The following VRK1 variants were observed in gnomAD, a reference collection of about 807,000 sequenced individuals.
VRK1 encodes VRK serine/threonine kinase 1.
Under a neutral mutation model 57.1 loss-of-function variants are expected in VRK1, and 33 were observed. The observed-to-expected ratio is 0.58, with a 90% CI of 0.44 to 0.77. The LOEUF (loss-of-function observed/expected upper bound fraction) is 0.77. VRK1 is among the 30% of genes least tolerant of loss of function. The pLI, the probability that VRK1 is intolerant of heterozygous loss-of-function variation, is 0.00. For synonymous variants in VRK1, 137 were observed against 147.8 expected (o/e 0.93, Z 0.53); for missense variants, 413 against 477.3 (o/e 0.87, Z 1.25).
intron 11 of VRK1, among the ~76,000 whole-genome samples, chr14:96,870,848 A>G (rs1304195018): frequency 6.6e-6 from 1 of 152,166 alleles, no homozygotes; most frequent in Non-Finnish European, 1.5e-5. Flanking sequence ...AATGGATGAC[A>G]GTAGAGCTTG....
At chr14:96,836,995 C>A (rs1331751722) in intron 2 of VRK1, among the ~76,000 whole-genome samples, 1 of 152,102 alleles carries the variant, frequency 6.6e-6, no homozygotes, top group Non-Finnish European at 1.5e-5. Flanking sequence ...CTTAATTTGT[C>A]CTCTATAGCA....
intron 2 of VRK1, among the ~76,000 whole-genome samples, chr14:96,834,387 G>A (rs1030728498): frequency 1.3e-5 from 2 of 151,818 alleles, no homozygotes; most frequent in Admixed American, 1.3e-4. Context: ...CTAATAATAC[G>A]ACATAGATTA....
rs148132088 is a variant in VRK1 at position 96,818,462 on chromosome 14, C to T, written c.-5-15005C>T. On this transcript the variant is annotated intron_variant, in intron 1 of 12. Coordinates refer to ENST00000216639, the MANE Select transcript of VRK1 (RefSeq NM_003384.3). Reference sequence around the variant, plus strand: ...AACGTGAGTCTTCACCTAGTTCTTTCCAGCTTAGGTGTGAAAACATGACTA... The same window carrying T: ...AACGTGAGTCTTCACCTAGTTCTTTTCAGCTTAGGTGTGAAAACATGACTA... Among the ~76,000 whole-genome samples the T allele has an allele frequency of 3.3e-5, 5 of 151,238 alleles. No individual in the cohort carries two copies. The East Asian group carries it at 9.7e-4, about 29-fold the overall frequency.
chr14:96,833,738 G>C, intron 2 of VRK1, 107 bp downstream of exon 2: 1 of 1,529,804 alleles, frequency 6.5e-7, no homozygotes, highest in African/African-American at 1.4e-5. Context: ...ATAATCTGCA[G>C]TCAACTTAAT....
chr14:96,866,706 C>T (rs1419681144), intron 11 of VRK1, among the ~76,000 whole-genome samples: 1 of 152,158 alleles, frequency 6.6e-6, no homozygotes, highest in Non-Finnish European at 1.5e-5. Flanking sequence ...ATCTTCTAGA[C>T]TGGGGGCCAC....
At chr14:96,844,581 G>A (rs564683197) in intron 3 of VRK1, among the ~76,000 whole-genome samples, 11 of 152,092 alleles carry the variant, frequency 7.2e-5, no homozygotes, top group African/African-American at 2.7e-4. Flanking sequence ...TTGCTTTGTT[G>A]CCCAGGGTGG....
At chr14:96,860,418 A>G (rs937906368) in intron 10 of VRK1, 139 bp from the exon 11 acceptor site, 10 of 765,792 alleles carry the variant, frequency 1.3e-5, no homozygotes, top group Non-Finnish European at 2.1e-5. Flanking sequence ...CATACTTTTC[A>G]TTGAAGTGAT....
chr14:96,812,726 T>TTTGAA (rs144656050), intron 1 of VRK1, among the ~76,000 whole-genome samples: 3,698 of 152,138 alleles, frequency 0.024, 71 homozygotes, highest in Non-Finnish European at 0.038. Flanking sequence ...GTTAAGAGGG[T>TTTGAA]TTTCAAGCCC....
intron 2 of VRK1, among the ~76,000 whole-genome samples, chr14:96,834,142 G>T (rs1887122113): frequency 6.6e-6 from 1 of 152,024 alleles, no homozygotes; most frequent in Admixed American, 6.6e-5. Flanking sequence ...TGAAATTTTT[G>T]GGGACCCGTT....
At chr14:96,821,016 C>T (rs562723453) in intron 1 of VRK1, among the ~76,000 whole-genome samples, 5 of 152,284 alleles carry the variant, frequency 3.3e-5, no homozygotes, top group Non-Finnish European at 7.4e-5. Flanking sequence ...CACAACTGTT[C>T]ACTATCTTTA....
At chr14:96,834,212 G>T (rs573052465) in intron 2 of VRK1, among the ~76,000 whole-genome samples, 1 of 152,244 alleles carries the variant, frequency 6.6e-6, no homozygotes, top group South Asian at 2.1e-4. Flanking sequence ...TATTTTACCT[G>T]ATTGCTTCTA....
chr14:96,850,906 A>G (rs1408817463), intron 5 of VRK1, among the ~76,000 whole-genome samples: 1 of 152,132 alleles, frequency 6.6e-6, no homozygotes, highest in African/African-American at 2.4e-5. Context: ...CTAATTTTGG[A>G]GCACTTCTGA....
chr14:96,827,624 C>G (rs1886850422), intron 1 of VRK1, among the ~76,000 whole-genome samples: 1 of 152,146 alleles, frequency 6.6e-6, no homozygotes, highest in South Asian at 2.1e-4. Context: ...TGGGCACTCT[C>G]CCTTAGCCTT....
chr14:96,876,195 C>A, intron 12 of VRK1, 75 bp downstream of exon 12: 1 of 1,382,212 alleles, frequency 7.2e-7, no homozygotes, highest in South Asian at 1.2e-5. Flanking sequence ...GATGAGGGGT[C>A]AACTATTTGG....
chr14:96,862,988 A>G (rs1595682587), intron 11 of VRK1, among the ~76,000 whole-genome samples: 1 of 152,324 alleles, frequency 6.6e-6, no homozygotes. Flanking sequence ...GTAAAAACCT[A>G]CAGGAATTGA....
intron 12 of VRK1, 111 bp downstream of exon 12, chr14:96,876,231 A>C: frequency 5.4e-6 from 5 of 928,054 alleles, no homozygotes; most frequent in Non-Finnish European, 8.8e-6. Flanking sequence ...TTTTATAATA[A>C]AATACCACAA....
At chr14:96,843,347 A>C (rs1356871254) in intron 3 of VRK1, among the ~76,000 whole-genome samples, 1 of 152,232 alleles carries the variant, frequency 6.6e-6, no homozygotes, top group East Asian at 1.9e-4. Flanking sequence ...CTAACAGGTC[A>C]TTGTACTGTG....
rs778096409 is a variant in VRK1 at position 96,860,660 on chromosome 14, A to G, written c.993A>G (p.Ile331Met). Residue 331 changes from isoleucine to methionine, a missense_variant, in exon 11 of 13, where the codon ATA becomes ATG. Ile to Met is a conservative substitution (Grantham distance 10, BLOSUM62 1). Transcript: ENST00000216639. Reference sequence around the variant, plus strand: ...TTCTTTTGCAAGGACTAAAAGCTATAGGAAGTAAGGATGATGGCAAATTGG... The same window carrying G: ...TTCTTTTGCAAGGACTAAAAGCTATGGGAAGTAAGGATGATGGCAAATTGG... ...RDILLQGLKAIGSKDDGKLDL... is the reference protein window; with the variant it reads ...RDILLQGLKAMGSKDDGKLDL... 1.2e-6 allele frequency: 2 copies of G among 1,613,380 alleles called. No individual in the cohort carries two copies. The highest frequency in any genetic ancestry group is 2.2e-5 in the East Asian group (1 of 44,756).
chr14:96,799,799 T>G (rs143692673), intron 1 of VRK1, among the ~76,000 whole-genome samples: 6 of 152,272 alleles, frequency 3.9e-5, no homozygotes, highest in African/African-American at 1.4e-4. Context: ...CTTGCCAGGG[T>G]TATTTTTCGG....
Sources: allele counts gnomAD v4.1 joint callset (sites outside exome capture counted in the v4.1 genomes callset), GRCh38; gene constraint gnomAD v4.1.1; transcripts MANE v1.5; gene names NCBI Gene and HGNC (gene_info 2026-07-23, HGNC 2026-07-21).